Variants in LRRC37A2 observed in about 807,000 individuals in gnomAD.
The protein encoded by LRRC37A2 is leucine-rich repeat-containing protein 37A2.
LRRC37A2 carries 9 observed loss-of-function variants against 68.8 expected under a neutral mutation model. The observed-to-expected ratio is 0.13, with a 90% confidence interval of 0.08 to 0.23. LRRC37A2 has a LOEUF of 0.23. Ranked by LOEUF, LRRC37A2 falls within the 10% of genes least tolerant of loss-of-function variation. The pLI is 1.00. For synonymous variants in LRRC37A2, 63 were observed against 367.6 expected (o/e 0.17, Z 9.48); for missense variants, 168 against 950.4 (o/e 0.18, Z 10.82).
the LRRC37A2 span, chr17:46,923,681 C>G: frequency 1.2e-6 from 1 of 818,310 alleles, no homozygotes; most frequent in Non-Finnish European, 1.6e-6. Context: ...TACTAAAGAC[C>G]ACATTTTTAT....
At chr17:46,923,202 C>G in the LRRC37A2 span, 22 of 1,548,796 alleles carry the variant, frequency 1.4e-5, no homozygotes, top group South Asian at 1.7e-4. Flanking sequence ...CATGGATCCC[C>G]TGTTCCAGCA....
At chr17:46,750,042 A>G in the LRRC37A2 span, 2 of 969,008 alleles carry the variant, frequency 2.1e-6, no homozygotes, top group South Asian at 2.0e-5. Flanking sequence ...TACAGGTTGT[A>G]TATACCTTAT....
At chr17:46,921,198 C>T in the LRRC37A2 span, 1 of 152,260 alleles carries the variant, frequency 6.6e-6, no homozygotes, top group South Asian at 2.1e-4. Flanking sequence ...TGACAACACG[C>T]ATACGGTTAA....
the LRRC37A2 span, among the ~76,000 whole-genome samples, chr17:46,657,334 C>T: frequency 5.3e-5 from 8 of 150,522 alleles, no homozygotes; most frequent in East Asian, 1.4e-3. Context: ...AGCAGGTACT[C>T]TGGAAGAGAA....
the LRRC37A2 span, among the ~76,000 whole-genome samples, chr17:46,779,063 A>T: frequency 1.2e-5 from 1 of 86,036 alleles, no homozygotes; most frequent in South Asian, 3.6e-4. Context: ...TCACACACAC[A>T]CACACACACA....
At chr17:46,811,428 G>A in the LRRC37A2 span, among the ~76,000 whole-genome samples, 4 of 152,200 alleles carry the variant, frequency 2.6e-5, 1 homozygote, top group Admixed American at 1.3e-4. Context: ...GTATGGGGCC[G>A]TGCCTGCTGG....
the LRRC37A2 span, among the ~76,000 whole-genome samples, chr17:46,735,877 G>A: frequency 6.6e-6 from 1 of 152,124 alleles, no homozygotes; most frequent in African/African-American, 2.4e-5. Context: ...CCCAGGAGGC[G>A]GAGTTTGCAG....
At chr17:46,838,275 C>T in the LRRC37A2 span, among the ~76,000 whole-genome samples, 3 of 150,398 alleles carry the variant, frequency 2.0e-5, no homozygotes, top group Non-Finnish European at 2.9e-5. Flanking sequence ...AAGTGAGGAA[C>T]AGCCGAGTGG....
chr17:47,022,611 C>A, the LRRC37A2 span, among the ~76,000 whole-genome samples: 1 of 152,178 alleles, frequency 6.6e-6, no homozygotes, highest in Non-Finnish European at 1.5e-5. Context: ...TACCTACATA[C>A]ATATTTACAT....
chr17:46,842,909 G>A, the LRRC37A2 span, among the ~76,000 whole-genome samples: 131 of 152,346 alleles, frequency 8.6e-4, 1 homozygote, highest in Admixed American at 1.8e-3. Context: ...GGTGGACAGG[G>A]AGTGTTGTAT....
At chr17:46,762,458 C>G in the LRRC37A2 span, 1 of 151,870 alleles carries the variant, frequency 6.6e-6, no homozygotes, top group South Asian at 2.1e-4. Context: ...GTATCCTTGA[C>G]CTCCTGAGCA....
the LRRC37A2 span, among the ~76,000 whole-genome samples, chr17:46,601,703 A>G: frequency 1.3e-5 from 2 of 148,156 alleles, no homozygotes; most frequent in East Asian, 2.0e-4. Flanking sequence ...TGTCGACTCT[A>G]TTCCGTTTCA....
chr17:46,881,217 C>T, the LRRC37A2 span, among the ~76,000 whole-genome samples: 2 of 152,202 alleles, frequency 1.3e-5, no homozygotes, highest in Non-Finnish European at 2.9e-5. Context: ...ATTGCCTTAA[C>T]TGGGCTCCCC....
At chr17:46,833,471 C>G in the LRRC37A2 span, 1 of 490,042 alleles carries the variant, frequency 2.0e-6, no homozygotes, top group Non-Finnish European at 4.1e-6. Flanking sequence ...GACAGCCAAC[C>G]CACCCCGACT....
intron 2 of LRRC37A2, among the ~76,000 whole-genome samples, chr17:46,516,263 A>G (rs1598289442): frequency 7.6e-6 from 1 of 130,888 alleles, no homozygotes; most frequent in Non-Finnish European, 1.7e-5. Context: ...AGATTGCACC[A>G]CTGCACTCCA....
the LRRC37A2 span, chr17:46,770,191 G>T: frequency 8.6e-7 from 1 of 1,161,172 alleles, no homozygotes; most frequent in Non-Finnish European, 1.2e-6. Flanking sequence ...GAGGGAGGCA[G>T]CTTCCCCACC....
At chr17:46,688,324 A>G in the LRRC37A2 span, among the ~76,000 whole-genome samples, 1 of 150,438 alleles carries the variant, frequency 6.6e-6, no homozygotes, top group African/African-American at 2.5e-5. Flanking sequence ...CAGCCTGGGC[A>G]ACATAGTGAG....
the LRRC37A2 span, among the ~76,000 whole-genome samples, chr17:46,909,278 G>T: frequency 6.6e-6 from 1 of 152,152 alleles, no homozygotes; most frequent in African/African-American, 2.4e-5. Flanking sequence ...CAATCCTCCT[G>T]CATTCGCTTC....
chr17:46,892,024 A>G, the LRRC37A2 span, among the ~76,000 whole-genome samples: 5,084 of 144,170 alleles, frequency 0.035, 103 homozygotes, highest in Middle Eastern at 0.073. Context: ...GGTTCAAGTG[A>G]TTCTCCTGCC....
Sources: allele counts gnomAD v4.1 joint callset (sites outside exome capture counted in the v4.1 genomes callset), GRCh38; gene constraint gnomAD v4.1.1; transcripts MANE v1.5; gene names NCBI Gene and HGNC (gene_info 2026-07-23, HGNC 2026-07-21).